RIMS2: variants seen among roughly 807,000 people sequenced by gnomAD.
RIMS2 encodes regulating synaptic membrane exocytosis protein 2.
A neutral mutation model predicts 174.4 loss-of-function variants in RIMS2; 59 were observed. The observed-to-expected ratio is 0.34, with a 90% CI of 0.27 to 0.42. The LOEUF (loss-of-function observed/expected upper bound fraction) is 0.42, where lower values mean the gene tolerates loss of function less well. Ranked by LOEUF, RIMS2 falls within the 10% of genes least tolerant of loss-of-function variation. The probability of loss-of-function intolerance (pLI) is 1.00; values close to 1 mark genes in which losing one functional copy is unlikely to be tolerated. For missense variants in RIMS2, 1,620 were observed against 1,666.3 expected, an observed-to-expected ratio of 0.97 and a Z score of 0.48; for synonymous variants, 606 against 572.5, an observed-to-expected ratio of 1.06 and a Z score of -0.84.
intron 1 of RIMS2, among the ~76,000 whole-genome samples, chr8:103,531,693 C>A (rs901989165): frequency 4.6e-5 from 7 of 152,014 alleles, no homozygotes; most frequent in Admixed American, 6.6e-5. Context: ...AATTCAAATG[C>A]CTTTTCATAT....
At chr8:103,614,579 G>C (rs2095462968) in intron 1 of RIMS2, among the ~76,000 whole-genome samples, 1 of 152,196 alleles carries the variant, frequency 6.6e-6, no homozygotes, top group Non-Finnish European at 1.5e-5. Flanking sequence ...TTCATGCAGG[G>C]CAACAAATGG....
intron 19 of RIMS2, among the ~76,000 whole-genome samples, chr8:104,226,905 T>C (rs761191939): frequency 2.0e-5 from 3 of 152,238 alleles, no homozygotes; most frequent in Non-Finnish European, 4.4e-5. Flanking sequence ...TTCTTCATTA[T>C]TATATGACAT....
chr8:103,521,940 C>A (rs1473809419), intron 1 of RIMS2, among the ~76,000 whole-genome samples: 3 of 151,022 alleles, frequency 2.0e-5, no homozygotes, highest in Non-Finnish European at 4.4e-5. Context: ...TCTCTCATTT[C>A]TTTTCCACTC....
chr8:104,103,469 T>C (rs996135261), intron 19 of RIMS2, among the ~76,000 whole-genome samples: 5 of 152,222 alleles, frequency 3.3e-5, no homozygotes, highest in Non-Finnish European at 7.3e-5. Context: ...GCTTCTTCTA[T>C]AAATATGACT....
intron 2 of RIMS2, among the ~76,000 whole-genome samples, chr8:103,718,343 T>C (rs950205056): frequency 6.6e-6 from 1 of 152,238 alleles, no homozygotes; most frequent in Non-Finnish European, 1.5e-5. Flanking sequence ...TTATTGTTCA[T>C]ACTTCTGAAT....
chr8:103,964,657 G>A (rs1595950499), intron 15 of RIMS2, among the ~76,000 whole-genome samples: 1 of 152,216 alleles, frequency 6.6e-6, no homozygotes, highest in East Asian at 1.9e-4. Context: ...TTGCAGAGCA[G>A]TTTTAATTTC....
intron 19 of RIMS2, among the ~76,000 whole-genome samples, chr8:104,017,220 A>G (rs962258522): frequency 6.6e-6 from 1 of 151,936 alleles, no homozygotes; most frequent in Non-Finnish European, 1.5e-5. Flanking sequence ...AAAATAGACT[A>G]TCAGTTGATG....
rs531624137 is a variant in RIMS2 at position 103,540,993 on chromosome 8, C to A, written c.176+39931C>A. On this transcript the variant is annotated intron_variant, in intron 1 of 23. Transcript: ENST00000504942. Reference sequence around the variant, plus strand: ...GGAATAAAAAAGAAACAAAAAAGAACAAAGAAAGCTTATGGGATTTATGGG... The same window carrying A: ...GGAATAAAAAAGAAACAAAAAAGAAAAAAGAAAGCTTATGGGATTTATGGG... 3.9e-4 allele frequency among the ~76,000 whole-genome samples: 59 copies of A among 151,944 alleles called. 2 individuals carry two copies. The highest frequency in any genetic ancestry group is 8.3e-4 in the South Asian group (4 of 4,816).
intron 2 of RIMS2, among the ~76,000 whole-genome samples, chr8:103,722,350 T>C (rs2097460555): frequency 6.6e-6 from 1 of 152,164 alleles, no homozygotes; most frequent in Admixed American, 6.5e-5. Context: ...CATTGTAATA[T>C]ATAATGAAAT....
At chr8:103,976,437 G>A (rs1403983071) in intron 16 of RIMS2, 1 of 151,818 alleles carries the variant, frequency 6.6e-6, no homozygotes, top group Non-Finnish European at 1.5e-5. Flanking sequence ...ACTCATGAAT[G>A]ATATAGATAA....
intron 19 of RIMS2, among the ~76,000 whole-genome samples, chr8:104,236,065 G>GT (rs1285819358): frequency 7.7e-6 from 1 of 129,172 alleles, no homozygotes; most frequent in African/African-American, 3.1e-5. Flanking sequence ...CAACATTCTG[G>GT]ATTTTTTTTT....
intron 1 of RIMS2, among the ~76,000 whole-genome samples, chr8:103,517,501 C>G (rs1047814723): frequency 2.6e-5 from 4 of 152,154 alleles, no homozygotes; most frequent in African/African-American, 9.7e-5. Flanking sequence ...TGCACCAGTA[C>G]AGAGACACTA....
chr8:103,909,799 T>C (rs1335951050), intron 4 of RIMS2, among the ~76,000 whole-genome samples: 2 of 152,082 alleles, frequency 1.3e-5, no homozygotes, highest in South Asian at 2.1e-4. Flanking sequence ...ATAACAGTCA[T>C]AGCTAATAGT....
intron 1 of RIMS2, among the ~76,000 whole-genome samples, chr8:103,528,106 C>T (rs1835010222): frequency 6.6e-6 from 1 of 152,154 alleles, no homozygotes; most frequent in African/African-American, 2.4e-5. Context: ...GATGGCATCT[C>T]ATTGTGGTTT....
chr8:103,530,595 A>G (rs1836570184), intron 1 of RIMS2, among the ~76,000 whole-genome samples: 2 of 152,202 alleles, frequency 1.3e-5, no homozygotes, highest in Admixed American at 6.5e-5. Flanking sequence ...GCGTTAAGCA[A>G]AAGAAATCTG....
At chr8:104,143,488 A>G (rs2098602791) in intron 19 of RIMS2, among the ~76,000 whole-genome samples, 2 of 152,210 alleles carry the variant, frequency 1.3e-5, no homozygotes, top group Admixed American at 6.5e-5. Context: ...AGTATGAGTT[A>G]TAGTAGTAAC....
rs116468399 is a variant in RIMS2, at chr8:104,125,015, G to T, written c.3334+110400G>T. Among the ~76,000 whole-genome samples the T allele has an allele frequency of 2.7e-3, 415 of 152,240 alleles. 5 individuals carry two copies. The highest frequency in any genetic ancestry group is 9.7e-3 in the African/African-American group (402 of 41,532). On this transcript the variant is annotated intron_variant, in intron 19 of 23. Coordinates refer to ENST00000504942, the Ensembl canonical transcript of RIMS2. ...GAGTGGGGAGTAGCTGCAGCAGGAG[G>T]CAGTGGAGGTGGTAAGCAGCAGACT...
chr8:103,587,199 C>A (rs1252817758), intron 1 of RIMS2, among the ~76,000 whole-genome samples: 1 of 151,788 alleles, frequency 6.6e-6, no homozygotes, highest in Non-Finnish European at 1.5e-5. Context: ...AGTATGAGAT[C>A]AAAGACATAA....
chr8:103,907,531 T>G (rs2074704771), intron 4 of RIMS2, among the ~76,000 whole-genome samples: 1 of 151,978 alleles, frequency 6.6e-6, no homozygotes, highest in African/African-American at 2.4e-5. Flanking sequence ...TTCCTTTTTT[T>G]TCTCTGCATG....
Sources: allele counts gnomAD v4.1 joint callset (sites outside exome capture counted in the v4.1 genomes callset), GRCh38; gene constraint gnomAD v4.1.1; transcripts MANE v1.5; gene names NCBI Gene and HGNC (gene_info 2026-07-23, HGNC 2026-07-21).